OPTN: variants seen among roughly 807,000 people sequenced by gnomAD.
OPTN encodes optineurin, also known as E3-14.7K-interacting protein.
OPTN carries 54 observed loss-of-function variants against 70.4 expected under a neutral mutation model. The observed-to-expected ratio is 0.77, with a 90% CI of 0.62 to 0.96. OPTN has a LOEUF of 0.96. Ranked by LOEUF, OPTN falls within the 40% of genes least tolerant of loss-of-function variation. The pLI is 0.00. For synonymous variants in OPTN, 256 were observed against 248.5 expected (o/e 1.03, Z -0.28); for missense variants, 624 against 673.2 (o/e 0.93, Z 0.81).
Position 13,118,839 on chromosome 10 carries a change from G to A in OPTN, c.627-49G>A, listed in dbSNP as rs1204915426. The A allele has an allele frequency of 1.9e-6, 3 of 1,550,982 alleles. No homozygotes were observed. The Admixed American group carries it at 5.0e-5, about 26-fold the overall frequency. ...GTTATATTGGGTTACTCTCTTCTTA[G>A]TCTTTGGAATTTTTCTGATGAAAAC... On this transcript the variant is annotated intron_variant, in intron 6 of 14. Transcript: ENST00000378747.
At chr10:13,115,517 A>G (rs1459845915) in intron 5 of OPTN, among the ~76,000 whole-genome samples, 1 of 109,886 alleles carries the variant, frequency 9.1e-6, no homozygotes, top group East Asian at 2.7e-4. Flanking sequence ...TATATATAAT[A>G]TATTCTATAA....
rs111761092 is a variant in OPTN at position 13,125,904 on chromosome 10, T to C, written c.1149-42T>C. 505 of 1,409,126 alleles carry C rather than the reference T, an allele frequency of 3.6e-4. 3 individuals are homozygous for C. The African/African-American group carries it at 6.1e-3, about 17-fold the overall frequency. 87.3% of individuals were successfully genotyped at this position (1,409,126 alleles called of 1,614,324 possible). ...GAGGCAAGACTATAAGTTTCTATGA[T>C]ATTTTCCCCAGGATTCCATTTTTTA... On this transcript the variant is annotated intron_variant, in intron 10 of 14. Coordinates refer to ENST00000378747, the MANE Select transcript of OPTN (RefSeq NM_001008212.2).
At chr10:13,102,994 A>T (rs1832783494) in intron 1 of OPTN, among the ~76,000 whole-genome samples, 1 of 151,882 alleles carries the variant, frequency 6.6e-6, no homozygotes, top group East Asian at 1.9e-4. Context: ...AGGTGATGGC[A>T]TTTGGTGACC....
chr10:13,134,267 C>CTT (rs1833653677), intron 14 of OPTN, among the ~76,000 whole-genome samples: 1 of 152,198 alleles, frequency 6.6e-6, no homozygotes, highest in African/African-American at 2.4e-5. Context: ...CCTCCAGTCT[C>CTT]TTTCCAGTGA....
Position 13,105,908 on chromosome 10 carries a change from GA to G in OPTN, c.-163-2216del, listed in dbSNP as rs775612836. Among the ~76,000 whole-genome samples the G allele has an allele frequency of 1.6e-3, 214 of 133,816 alleles. 1 individual carries two copies. Among genetic ancestry groups the G allele is most frequent in the Admixed American group, 1.8e-3 (24 of 13,078 alleles). The allele number at this position is 133,816 out of a possible 152,430, so 87.8% of individuals were successfully genotyped here. On this transcript the variant is annotated intron_variant, in intron 1 of 14. Coordinates refer to ENST00000378747, the MANE Select transcript of OPTN (RefSeq NM_001008212.2). ...TGGGCGACAAAGTGAGACTCTGTCTGAAAAAAAAAAAAAAGTTCATTGAGGA... is the reference window on the plus strand; with the variant it reads ...TGGGCGACAAAGTGAGACTCTGTCTGAAAAAAAAAAAAAGTTCATTGAGGA...
chr10:13,114,491 G>A (rs1033843206), intron 5 of OPTN, among the ~76,000 whole-genome samples: 2 of 151,672 alleles, frequency 1.3e-5, no homozygotes, highest in Non-Finnish European at 2.9e-5. Context: ...CAGGGTGCAT[G>A]GTTAGCATCT....
In OPTN at chr10:13,137,531, T is replaced by C; in HGVS notation, c.*665T>C. ...AATTAGATGGAAGAAACCTCACTGA[T>C]TAATTTTAAGAACCTTTTAGGGATG... On this transcript the variant is annotated 3_prime_UTR_variant, in exon 15 of 15. Transcript: ENST00000378747. 1 of 229,698 alleles carries C rather than the reference T, an allele frequency of 4.4e-6. No homozygotes were observed. The highest frequency in any genetic ancestry group is 6.2e-5 in the East Asian group (1 of 16,010). The allele number at this position is 229,698 out of a possible 1,614,324, so 14.2% of individuals were successfully genotyped here.
intron 4 of OPTN, 128 bp from the exon 5 acceptor site, chr10:13,112,325 T>G: frequency 1.2e-6 from 1 of 845,934 alleles, no homozygotes. Context: ...CCCAGGCTGG[T>G]CTCAAAATCC....
chr10:13,112,575 G>T lies in OPTN; in HGVS notation c.492G>T (p.Leu164=). The change falls in exon 5 of 15, where the codon CTG becomes CTT. Residue 164 remains leucine (L), a synonymous_variant. Transcript: ENST00000378747. The part of the protein sequence containing the change: ...KADLLGIVSE[L]QLKLNSSGSS... ...ACCTGTTGGGCATCGTGTCTGAACT[G>T]CAGCTCAAGCTGAACTCCAGCGGCT... The T allele has an allele frequency of 6.2e-7, 1 of 1,614,176 alleles. No homozygotes were observed. The highest frequency in any genetic ancestry group is 8.5e-7 in the Non-Finnish European group (1 of 1,180,036).
intron 12 of OPTN, among the ~76,000 whole-genome samples, chr10:13,130,633 T>A (rs1833576524): frequency 6.6e-6 from 1 of 152,054 alleles, no homozygotes; most frequent in African/African-American, 2.4e-5. Flanking sequence ...TGATAGGATA[T>A]CCCTTAAAAT....
At chr10:13,108,783 T>G (rs1351474976) in intron 2 of OPTN, among the ~76,000 whole-genome samples, 1 of 152,066 alleles carries the variant, frequency 6.6e-6, no homozygotes. Context: ...CCTGACCTCA[T>G]GATCTGTCCG....
chr10:13,103,393 C>T (rs1588428849), intron 1 of OPTN, among the ~76,000 whole-genome samples: 1 of 152,306 alleles, frequency 6.6e-6, no homozygotes, highest in East Asian at 1.9e-4. Flanking sequence ...TTGGCCATAC[C>T]AGGGCAAGGG....
At chr10:13,108,953 G>T (rs1348180098) in intron 2 of OPTN, 159 bp from the exon 3 acceptor site, 13 of 727,074 alleles carry the variant, frequency 1.8e-5, no homozygotes, top group Admixed American at 1.2e-4. Flanking sequence ...TACCTTTTTT[G>T]TTTAAAAGGA....
At chr10:13,129,287 G>C (rs1468592765) in intron 12 of OPTN, among the ~76,000 whole-genome samples, 1 of 151,310 alleles carries the variant, frequency 6.6e-6, no homozygotes, top group Non-Finnish European at 1.5e-5. Context: ...TCTGGATTTT[G>C]TTCTATTTTA....
chr10:13,105,204 A>AT (rs920540020), intron 1 of OPTN, among the ~76,000 whole-genome samples: 1 of 152,154 alleles, frequency 6.6e-6, no homozygotes, highest in African/African-American at 2.4e-5. Context: ...ATTACAAAAT[A>AT]TTTTTTCTAA....
chr10:13,128,302 C>A (rs1039465072), intron 12 of OPTN, among the ~76,000 whole-genome samples: 6 of 152,080 alleles, frequency 3.9e-5, no homozygotes, highest in Non-Finnish European at 5.9e-5. Context: ...AGTTTTCACT[C>A]CCATCAACAG....
At chr10:13,101,842 G>A (rs899689612) in intron 1 of OPTN, among the ~76,000 whole-genome samples, 1 of 152,116 alleles carries the variant, frequency 6.6e-6, no homozygotes. Flanking sequence ...TAACAATACT[G>A]GCATGCTGAG....
rs368325330 is a variant in OPTN at position 13,133,456 on chromosome 10, C to T, written c.1533-46C>T. ...CTGTCTGCTCAGTGTTGTCATGTTT[C>T]GGGGTTGTAGAACATCACACAGCGT... On this transcript the variant is annotated intron_variant, in intron 13 of 14. Transcript: ENST00000378747. The T allele has an allele frequency of 9.4e-5, 142 of 1,513,048 alleles. No homozygotes were observed. In the African/African-American group the frequency reaches 1.2e-3, roughly 13 times the overall value. The allele number at this position is 1,513,048 out of a possible 1,614,324, so 93.7% of individuals were successfully genotyped here. A position where few individuals can be genotyped will look rare whatever the true frequency, so the allele number is the denominator to read the frequency against.
intron 11 of OPTN, among the ~76,000 whole-genome samples, chr10:13,126,642 G>C (rs1425639810): frequency 6.6e-6 from 1 of 152,156 alleles, no homozygotes; most frequent in Non-Finnish European, 1.5e-5. Context: ...TCTATGGGTA[G>C]GAAGGGCCAT....
Sources: gnomAD v4.1 joint callset for allele counts (sites outside exome capture counted in the v4.1 genomes callset) on GRCh38, gnomAD v4.1.1 for gene constraint, MANE v1.5 for transcripts, NCBI Gene and HGNC (gene_info 2026-07-23, HGNC 2026-07-21) for gene names.